Variants in VRK2 observed in about 807,000 individuals in gnomAD.
VRK2 encodes the protein VRK serine/threonine kinase 2, also known as serine/threonine-protein kinase VRK2.
In VRK2, 60 loss-of-function variants were observed where a neutral mutation model predicts 57.6. That is an observed-to-expected ratio of 1.04 (90% confidence interval 0.85 to 1.29). The LOEUF is 1.29. Ranked by LOEUF, VRK2 falls within the 50% of genes most tolerant of loss-of-function variation. The pLI, the probability that VRK2 is intolerant of heterozygous loss-of-function variation, is 0.00. For synonymous variants in VRK2, 231 were observed against 199.2 expected (o/e 1.16, Z -1.35); for missense variants, 705 against 588.1 (o/e 1.20, Z -2.06).
chr2:57,990,838 TAGTCACACAC>T (rs1672741151), intron 1 of VRK2, among the ~76,000 whole-genome samples: 1 of 137,410 alleles, frequency 7.3e-6, no homozygotes, highest in East Asian at 2.1e-4. Context: ...CCCATTATGA[TAGTCACACAC>T]AGACATACAC....
chr2:58,156,026 G>T (rs1391605749), intron 12 of VRK2, among the ~76,000 whole-genome samples: 2 of 151,916 alleles, frequency 1.3e-5, no homozygotes, highest in South Asian at 4.2e-4. Flanking sequence ...GGCGGGTGGA[G>T]ACTCAAGGGA....
intron 9 of VRK2, 27 bp downstream of exon 9, chr2:58,131,955 G>C (rs1553419381): frequency 6.2e-7 from 1 of 1,613,430 alleles, no homozygotes; most frequent in Non-Finnish European, 8.5e-7. Flanking sequence ...ATTTCATCAT[G>C]TACTGCACCA....
intron 1 of VRK2, among the ~76,000 whole-genome samples, chr2:57,961,208 T>C (rs1035340374): frequency 2.6e-5 from 4 of 152,158 alleles, no homozygotes; most frequent in African/African-American, 4.8e-5. Flanking sequence ...ATAGCCAGGA[T>C]GGTTTCTCTA....
At position 58,048,967 on chromosome 2, in the gene VRK2, G is replaced by C; in HGVS notation, c.136G>C (p.Ala46Pro). The change falls in exon 2 of 13, where the codon GCT becomes CCT. Residue 46 changes from alanine to proline, a missense_variant and splice_region_variant. Coordinates refer to ENST00000340157, the MANE Select transcript of VRK2 (RefSeq NM_006296.7). ...GSGGFGLIYLAFPTNKPEKDA... is the reference protein window; with the variant it reads ...GSGGFGLIYLPFPTNKPEKDA... ...TGGAGGATTTGGATTGATATATTTA[G>C]GTAAAGTAAAACCTTAAATTAACAA... 6.2e-7 allele frequency: 1 copy of C among 1,608,880 alleles called. No homozygotes were observed.
At chr2:57,992,585 G>GGACTGCA (rs1186443160) in intron 1 of VRK2, among the ~76,000 whole-genome samples, 2 of 152,048 alleles carry the variant, frequency 1.3e-5, no homozygotes, top group East Asian at 3.9e-4. Context: ...GCCGGACTGC[G>GGACTGCA]GACTGCAGTG....
chr2:58,100,982 T>G (rs1422033847), intron 7 of VRK2, among the ~76,000 whole-genome samples: 1 of 151,778 alleles, frequency 6.6e-6, no homozygotes, highest in African/African-American at 2.4e-5. Flanking sequence ...CCAAACCAGA[T>G]TAGAGCCATA....
intron 1 of VRK2, among the ~76,000 whole-genome samples, chr2:57,994,460 A>G (rs1469801317): frequency 6.6e-6 from 1 of 152,236 alleles, no homozygotes; most frequent in Non-Finnish European, 1.5e-5. Flanking sequence ...TACACAGTTC[A>G]AAGGAATAAA....
At chr2:57,952,649 G>T (rs1271096697) in intron 1 of VRK2, among the ~76,000 whole-genome samples, 1 of 151,492 alleles carries the variant, frequency 6.6e-6, no homozygotes, top group Non-Finnish European at 1.5e-5. Context: ...TAACATTTAT[G>T]TAAGTATTCT....
chr2:58,009,386 G>C (rs1387418721), intron 1 of VRK2, among the ~76,000 whole-genome samples: 1 of 151,708 alleles, frequency 6.6e-6, no homozygotes, highest in Non-Finnish European at 1.5e-5. Flanking sequence ...TTTCTTGTCT[G>C]TGAACCACTT....
intron 7 of VRK2, 26 bp from the exon 8 acceptor site, chr2:58,123,075 T>C: frequency 6.3e-7 from 1 of 1,586,676 alleles, no homozygotes; most frequent in Non-Finnish European, 8.5e-7. Context: ...AAAGGCATTA[T>C]TCATTTGTCT....
chr2:58,100,098 T>A (rs1673741967), intron 7 of VRK2, among the ~76,000 whole-genome samples: 1 of 151,996 alleles, frequency 6.6e-6, no homozygotes, highest in Non-Finnish European at 1.5e-5. Flanking sequence ...AATACTTACT[T>A]TCAAAGTTCC....
chr2:58,049,026 C>T (rs1021255390), intron 2 of VRK2, 59 bp downstream of exon 2: 2 of 1,554,618 alleles, frequency 1.3e-6, no homozygotes, highest in Non-Finnish European at 1.7e-6. Context: ...ACCGTGATTA[C>T]TTAGTGGTAT....
At chr2:57,942,783 G>T (rs1671140819) in intron 1 of VRK2, among the ~76,000 whole-genome samples, 1 of 152,158 alleles carries the variant, frequency 6.6e-6, no homozygotes, top group African/African-American at 2.4e-5. Flanking sequence ...TTATCCAGGT[G>T]CCAGGATGAG....
chr2:57,938,626 C>T (rs540387637), intron 1 of VRK2, among the ~76,000 whole-genome samples: 78 of 152,070 alleles, frequency 5.1e-4, no homozygotes, highest in African/African-American at 1.8e-3. Context: ...ACTTTCATGG[C>T]TTTCATTATA....
chr2:58,020,575 A>G (rs972315946), intron 1 of VRK2, among the ~76,000 whole-genome samples: 17 of 152,248 alleles, frequency 1.1e-4, no homozygotes, highest in African/African-American at 1.7e-4. Context: ...AAAAGCAGAA[A>G]AATACATGTT....
At chr2:57,974,897 G>A (rs1380448304) in intron 1 of VRK2, among the ~76,000 whole-genome samples, 1 of 151,664 alleles carries the variant, frequency 6.6e-6, no homozygotes, top group Non-Finnish European at 1.5e-5. Flanking sequence ...TATACACACA[G>A]AAACTTAAAA....
chr2:58,082,279 T>G (rs1670996939), intron 2 of VRK2, among the ~76,000 whole-genome samples: 1 of 151,964 alleles, frequency 6.6e-6, no homozygotes, highest in Admixed American at 6.6e-5. Context: ...GACATCTTTT[T>G]TTTCCAGTGG....
intron 1 of VRK2, among the ~76,000 whole-genome samples, chr2:57,935,850 T>A (rs929936895): frequency 1.3e-5 from 2 of 152,250 alleles, no homozygotes; most frequent in Non-Finnish European, 2.9e-5. Context: ...CTGTGCTGCC[T>A]TGGAGGAAGG....
intron 1 of VRK2, among the ~76,000 whole-genome samples, chr2:57,983,070 A>G (rs1672480966): frequency 6.6e-6 from 1 of 152,208 alleles, no homozygotes; most frequent in South Asian, 2.1e-4. Context: ...CACTCTGTCC[A>G]GGGTTTCCAA....
Sources: gnomAD v4.1 joint callset for allele counts (sites outside exome capture counted in the v4.1 genomes callset) on GRCh38, gnomAD v4.1.1 for gene constraint, MANE v1.5 for transcripts, NCBI Gene and HGNC (gene_info 2026-07-23, HGNC 2026-07-21) for gene names.